The following CNTN5 variants were observed in gnomAD, a reference collection of about 807,000 sequenced individuals.
CNTN5 encodes the protein contactin 5, also known as contactin-5.
Under a neutral mutation model 129.1 loss-of-function variants are expected in CNTN5, and 77 were observed. The observed-to-expected ratio is 0.60, with a 90% CI of 0.50 to 0.72. The LOEUF (loss-of-function observed/expected upper bound fraction) is 0.72, where lower values mean the gene tolerates loss of function less well. Among genes scored for constraint, CNTN5 ranks in the 30% least tolerant of loss-of-function variants. CNTN5 has a pLI of 0.00. For synonymous variants in CNTN5, 509 were observed against 465.6 expected (o/e 1.09, Z -1.20); for missense variants, 1,478 against 1,328.8 (o/e 1.11, Z -1.75).
At chr11:99,242,627 C>G (rs1861618806) in intron 1 of CNTN5, among the ~76,000 whole-genome samples, 1 of 151,976 alleles carries the variant, frequency 6.6e-6, no homozygotes, top group Non-Finnish European at 1.5e-5. Context: ...CAGTTCTTGC[C>G]CTCCTCTTTT....
chr11:100,050,919 A>G (rs920064606), intron 9 of CNTN5, among the ~76,000 whole-genome samples: 7 of 152,140 alleles, frequency 4.6e-5, no homozygotes, highest in Admixed American at 1.3e-4. Flanking sequence ...GCACCTAGTA[A>G]CAGAGCTTTA....
intron 3 of CNTN5, among the ~76,000 whole-genome samples, chr11:99,778,372 T>C (rs74766099): frequency 0.034 from 5,135 of 151,934 alleles, 136 homozygotes; most frequent in South Asian, 0.098. Flanking sequence ...TTAAACTGTT[T>C]TGTGTTTAGA....
chr11:99,241,053 T>A (rs1861523159), intron 1 of CNTN5, among the ~76,000 whole-genome samples: 1 of 152,236 alleles, frequency 6.6e-6, no homozygotes, highest in Admixed American at 6.5e-5. Flanking sequence ...CAATGAATAA[T>A]CTTATAGAAG....
chr11:99,841,558 A>G (rs1020278779), intron 4 of CNTN5, among the ~76,000 whole-genome samples: 13 of 151,684 alleles, frequency 8.6e-5, no homozygotes, highest in East Asian at 1.9e-4. Flanking sequence ...ATGTTAGCAC[A>G]TAAGTATAAT....
intron 3 of CNTN5, among the ~76,000 whole-genome samples, chr11:99,578,089 T>A (rs1378403615): frequency 2.0e-5 from 3 of 151,484 alleles, no homozygotes; most frequent in African/African-American, 4.9e-5. Flanking sequence ...TTTGGTTTTT[T>A]CTCCGTGCGA....
At chr11:100,049,672 T>C (rs1175397973) in intron 9 of CNTN5, among the ~76,000 whole-genome samples, 1 of 152,008 alleles carries the variant, frequency 6.6e-6, no homozygotes, top group Non-Finnish European at 1.5e-5. Flanking sequence ...GAAACTACCA[T>C]CAGATTGAAC....
chr11:99,506,425 C>T (rs936784757), intron 2 of CNTN5, among the ~76,000 whole-genome samples: 16 of 152,150 alleles, frequency 1.1e-4, no homozygotes, highest in South Asian at 4.1e-4. Flanking sequence ...TTTTTTTAAA[C>T]GAAGGCAGGT....
chr11:99,760,819 T>C (rs1944554007), intron 3 of CNTN5, among the ~76,000 whole-genome samples: 1 of 152,102 alleles, frequency 6.6e-6, no homozygotes, highest in African/African-American at 2.4e-5. Flanking sequence ...TAGTGAAATA[T>C]TACTATTTAT....
At chr11:100,214,859 G>A (rs1949107015) in intron 15 of CNTN5, among the ~76,000 whole-genome samples, 2 of 152,172 alleles carry the variant, frequency 1.3e-5, no homozygotes, top group Admixed American at 6.5e-5. Flanking sequence ...CATTTTGTGG[G>A]CAAGTAAATC....
intron 1 of CNTN5, among the ~76,000 whole-genome samples, chr11:99,199,120 T>C (rs1252143047): frequency 6.6e-6 from 1 of 152,118 alleles, no homozygotes; most frequent in Non-Finnish European, 1.5e-5. Context: ...TTTTCTAATA[T>C]AACAATTTGA....
intron 7 of CNTN5, among the ~76,000 whole-genome samples, chr11:99,924,589 A>G (rs1016936639): frequency 1.3e-5 from 2 of 151,990 alleles, no homozygotes; most frequent in African/African-American, 2.4e-5. Flanking sequence ...ATTCTGTTCC[A>G]TTGGTCTATG....
At chr11:99,578,707 T>G (rs1321490574) in intron 3 of CNTN5, among the ~76,000 whole-genome samples, 1 of 151,442 alleles carries the variant, frequency 6.6e-6, no homozygotes, top group Non-Finnish European at 1.5e-5. Flanking sequence ...TTGTTTGAGT[T>G]CATTGTAGAT....
At chr11:99,765,604 C>T (rs982725432) in intron 3 of CNTN5, among the ~76,000 whole-genome samples, 15 of 150,314 alleles carry the variant, frequency 1.0e-4, no homozygotes, top group African/African-American at 3.7e-4. Flanking sequence ...TTATTGGGGT[C>T]ATTGAGACAT....
intron 2 of CNTN5, among the ~76,000 whole-genome samples, chr11:99,341,900 G>A (rs1289796605): frequency 2.0e-5 from 3 of 152,066 alleles, no homozygotes; most frequent in Non-Finnish European, 1.5e-5. Flanking sequence ...AGTACTGTGA[G>A]AGAACAAAAA....
intron 6 of CNTN5, among the ~76,000 whole-genome samples, chr11:99,862,029 A>C (rs755751297): frequency 5.9e-5 from 9 of 152,200 alleles, no homozygotes; most frequent in Non-Finnish European, 7.4e-5. Flanking sequence ...TAAAATTTAT[A>C]ATCTTAATCT....
chr11:99,388,393 T>G, intron 2 of CNTN5, among the ~76,000 whole-genome samples: 1 of 123,884 alleles, frequency 8.1e-6, no homozygotes, highest in Non-Finnish European at 1.6e-5. Context: ...TCAGCCTGGG[T>G]GACAGAGCAA....
chr11:100,334,286 G>A (rs769156117), intron 21 of CNTN5, among the ~76,000 whole-genome samples: 14 of 152,160 alleles, frequency 9.2e-5, no homozygotes, highest in Non-Finnish European at 1.8e-4. Context: ...AATAATAGAT[G>A]TTGGCGTGGA....
chr11:99,281,954 G>A (rs563892652), intron 1 of CNTN5, among the ~76,000 whole-genome samples: 1 of 152,058 alleles, frequency 6.6e-6, no homozygotes, highest in South Asian at 2.1e-4. Flanking sequence ...TTCGGAAGTA[G>A]AAGCTTCTAC....
intron 1 of CNTN5, among the ~76,000 whole-genome samples, chr11:99,279,381 G>A (rs1863591584): frequency 1.3e-5 from 2 of 151,748 alleles, no homozygotes; most frequent in Non-Finnish European, 2.9e-5. Context: ...AAAAACAGTT[G>A]AAACTTGCTA....
Sources: gnomAD v4.1 joint callset for allele counts (sites outside exome capture counted in the v4.1 genomes callset) on GRCh38, gnomAD v4.1.1 for gene constraint, MANE v1.5 for transcripts, NCBI Gene and HGNC (gene_info 2026-07-23, HGNC 2026-07-21) for gene names.